The following CALR3 variants were observed in gnomAD, a reference collection of about 807,000 sequenced individuals.
The protein encoded by CALR3 is calreticulin-3.
A neutral mutation model predicts 48.7 loss-of-function variants in CALR3; 39 were observed. That is an observed-to-expected ratio of 0.80 (90% CI 0.62 to 1.05). The LOEUF (loss-of-function observed/expected upper bound fraction) is 1.05, where lower values mean the gene tolerates loss of function less well. Among genes scored for constraint, CALR3 ranks in the 50% least tolerant of loss-of-function variants. The pLI, the probability that CALR3 is intolerant of heterozygous loss-of-function variation, is 0.00. For missense variants in CALR3, 449 were observed against 474.7 expected (o/e 0.95, Z 0.50); for synonymous variants, 185 against 172.7 (o/e 1.07, Z -0.56).
At position 16,495,815 on chromosome 19, in the gene CALR3, G is replaced by A. The variant is rs1599723855; in HGVS notation, c.129C>T (p.Asp43=). Residue 43 remains aspartate, a synonymous_variant, in exon 2 of 9, where the codon GAC becomes GAT. Coordinates refer to ENST00000269881, the MANE Select transcript of CALR3 (RefSeq NM_145046.5). ...WRNRWLQSTN[D]SRFGHFRLSS... ...AAAGTCTAAAATGCCCAAATCGGGA[G>A]TCATTGGTGGACTGCAACCATCGGT... 1 of 1,614,168 alleles carries A rather than the reference G, an allele frequency of 6.2e-7. No homozygotes were observed. Among genetic ancestry groups the A allele is most frequent in the Non-Finnish European group, 8.5e-7 (1 of 1,180,034 alleles).
At chr19:16,490,249 C>G in intron 3 of CALR3, 118 bp downstream of exon 3, 1 of 845,862 alleles carries the variant, frequency 1.2e-6, no homozygotes, top group African/African-American at 1.7e-5. Flanking sequence ...ACCTTGGATC[C>G]GATATACTCA....
chr19:16,492,312 C>T (rs1309298486), intron 2 of CALR3, among the ~76,000 whole-genome samples: 1 of 151,910 alleles, frequency 6.6e-6, no homozygotes, highest in East Asian at 2.0e-4. Flanking sequence ...CAAAATTAGC[C>T]GAGCGTAGTG....
intron 2 of CALR3, among the ~76,000 whole-genome samples, chr19:16,493,542 A>ATTTTTTTTTTT (rs3032114): frequency 1.4e-5 from 1 of 72,928 alleles, no homozygotes; most frequent in Non-Finnish European, 2.7e-5. Flanking sequence ...TGAAGCTAGA[A>ATTTTTTTTTTT]TTTTTTTTTT....
Position 16,483,944 on chromosome 19 carries a change from C to G in CALR3, c.664G>C (p.Asp222His), listed in dbSNP as rs2093384717. ...AESKDWEQTK[D>H]NKAQDWEKHF... Reference sequence around the variant, plus strand: ...AAAATTCACACCTGGGCTTTGTTGTCTTTAGTCTGTTCCCAATCCTTCGAT... The same window carrying G: ...AAAATTCACACCTGGGCTTTGTTGTGTTTAGTCTGTTCCCAATCCTTCGAT... Residue 222 changes from aspartate (D) to histidine (H), a missense_variant, in exon 5 of 9, where the codon GAC (aspartate) becomes CAC (histidine). Asp to His is a moderately conservative substitution (Grantham distance 81). Coordinates refer to ENST00000269881, the MANE Select transcript of CALR3 (RefSeq NM_145046.5). The G allele has an allele frequency of 3.1e-6, 5 of 1,613,892 alleles. No homozygotes were observed. The highest frequency in any genetic ancestry group is 2.5e-6 in the Non-Finnish European group (3 of 1,180,000).
chr19:16,487,715 A>G (rs1213817984), intron 3 of CALR3, among the ~76,000 whole-genome samples: 1 of 151,596 alleles, frequency 6.6e-6, no homozygotes, highest in Non-Finnish European at 1.5e-5. Context: ...TCGGCTAACC[A>G]TAACCTCTGC....
intron 2 of CALR3, among the ~76,000 whole-genome samples, chr19:16,494,572 G>T (rs919232939): frequency 2.0e-5 from 3 of 151,690 alleles, no homozygotes; most frequent in Non-Finnish European, 2.9e-5. Context: ...GTATTGGCCA[G>T]ACTGGTTTTG....
chr19:16,490,722 C>T, intron 2 of CALR3, 152 bp from the exon 3 acceptor site: 3 of 758,678 alleles, frequency 4.0e-6, no homozygotes, highest in Admixed American at 2.0e-5. Context: ...TACAATAATG[C>T]ATAATGGGTA....
At chr19:16,491,313 A>G (rs919743779) in intron 2 of CALR3, among the ~76,000 whole-genome samples, 2 of 149,422 alleles carry the variant, frequency 1.3e-5, no homozygotes, top group Non-Finnish European at 3.0e-5. Context: ...TAGTAGAGAC[A>G]GGGTTTCACC....
chr19:16,493,919 A>G (rs2093401800), intron 2 of CALR3, among the ~76,000 whole-genome samples: 1 of 151,792 alleles, frequency 6.6e-6, no homozygotes, highest in African/African-American at 2.4e-5. Context: ...ATAGAGACGG[A>G]GTTTCGCCAT....
At position 16,482,051 on chromosome 19, in the gene CALR3, C is replaced by T. The variant is rs984370849; in HGVS notation, c.918+399G>A. On this transcript the variant is annotated intron_variant, in intron 7 of 8. Transcript: ENST00000269881. ...CGTCCCGAGTAGCTGGGACTACAGG[C>T]GCCCGCCACCACGCCCGGCTAATTT... 5.9e-5 allele frequency among the ~76,000 whole-genome samples: 9 copies of T among 151,668 alleles called. 1 individual carries two copies. The South Asian group carries it at 1.0e-3, about 18-fold the overall frequency.
intron 2 of CALR3, among the ~76,000 whole-genome samples, chr19:16,491,308 G>C (rs182653304): frequency 2.7e-5 from 4 of 150,444 alleles, no homozygotes; most frequent in Non-Finnish European, 5.9e-5. Context: ...ATTTTTAGTA[G>C]AGACAGGGTT....
chr19:16,493,722 G>GTA (rs200027257), intron 2 of CALR3, among the ~76,000 whole-genome samples: 165 of 144,378 alleles, frequency 1.1e-3, no homozygotes, highest in African/African-American at 4.1e-3. Flanking sequence ...GCTAATATTT[G>GTA]TATATATATA....
intron 2 of CALR3, among the ~76,000 whole-genome samples, chr19:16,494,527 A>T (rs1450234081): frequency 6.6e-6 from 1 of 151,526 alleles, no homozygotes; most frequent in Non-Finnish European, 1.5e-5. Context: ...ACACCCAGCT[A>T]ATTTTTGTAT....
chr19:16,495,705 T>C (rs964366565), intron 2 of CALR3, 46 bp downstream of exon 2: 5 of 1,450,818 alleles, frequency 3.4e-6, no homozygotes, highest in African/African-American at 2.8e-5. Context: ...GAGGTTGCTA[T>C]GGAAATGTAA....
chr19:16,494,992 T>C (rs1220523246), intron 2 of CALR3, among the ~76,000 whole-genome samples: 1 of 152,086 alleles, frequency 6.6e-6, no homozygotes, highest in Non-Finnish European at 1.5e-5. Context: ...CCCAGCACTT[T>C]AGGAGGCCGA....
chr19:16,484,368 A>T (rs973943547), intron 4 of CALR3, among the ~76,000 whole-genome samples: 12 of 151,514 alleles, frequency 7.9e-5, no homozygotes, highest in Non-Finnish European at 1.6e-4. Flanking sequence ...GTAGAGACAG[A>T]GTTTCACCAT....
intron 2 of CALR3, among the ~76,000 whole-genome samples, chr19:16,493,902 A>G (rs2093401757): frequency 6.6e-6 from 1 of 151,268 alleles, no homozygotes; most frequent in Non-Finnish European, 1.5e-5. Context: ...TAATTTTTGT[A>G]TTTTTAATAG....
intron 2 of CALR3, among the ~76,000 whole-genome samples, chr19:16,490,843 C>T (rs2093396800): frequency 6.6e-6 from 1 of 151,666 alleles, no homozygotes; most frequent in South Asian, 2.1e-4. Context: ...CTGCAACCTC[C>T]ACCTCCCGGG....
rs1426645883 is a variant in CALR3, at chr19:16,479,153, AATTG to A, written c.1129_1132del (p.Gln377PhefsTer14). On this transcript the variant is annotated frameshift_variant, in exon 9 of 9. Coordinates refer to ENST00000269881, the MANE Select transcript of CALR3 (RefSeq NM_145046.5). LOFTEE classifies it high-confidence loss of function. ...TCACTAAAGTTCATTCCTTCTGTGA[AATTG>A]ATTGAAGTAATGTTCGTGCCTGTTA... The A allele has an allele frequency of 1.2e-5, 19 of 1,613,980 alleles. No individual in the cohort carries two copies. Among genetic ancestry groups the A allele is most frequent in the Non-Finnish European group, 1.5e-5 (18 of 1,180,018 alleles).
Sources: gnomAD v4.1 joint callset for allele counts (sites outside exome capture counted in the v4.1 genomes callset) on GRCh38, gnomAD v4.1.1 for gene constraint, MANE v1.5 for transcripts, NCBI Gene and HGNC (gene_info 2026-07-23, HGNC 2026-07-21) for gene names.